The following ADAMTS9 variants were observed in gnomAD, a reference collection of about 807,000 sequenced individuals.
ADAMTS9 encodes the protein ADAM metallopeptidase with thrombospondin type 1 motif 9.
In ADAMTS9, 107 loss-of-function variants were observed where a neutral mutation model predicts 257.1. That is an observed-to-expected ratio of 0.42 (90% CI 0.36 to 0.49). The LOEUF is 0.49. ADAMTS9 is among the 20% of genes least tolerant of loss of function. ADAMTS9 has a pLI of 0.03. For synonymous variants in ADAMTS9, 982 were observed against 880.9 expected, an observed-to-expected ratio of 1.11 and a Z score of -2.03; for missense variants, 2,353 against 2,469.1, an observed-to-expected ratio of 0.95 and a Z score of 1.00.
At chr3:64,670,365 TTTTCTCTTGGC>T in intron 3 of ADAMTS9, among the ~76,000 whole-genome samples, 1 of 152,300 alleles carries the variant, frequency 6.6e-6, no homozygotes, top group Non-Finnish European at 1.5e-5. Context: ...AACAACTGCC[TTTTCTCTTGGC>T]CTAGACCATG....
At chr3:64,548,563 C>T (rs1042466572) in intron 31 of ADAMTS9, among the ~76,000 whole-genome samples, 3 of 150,328 alleles carry the variant, frequency 2.0e-5, no homozygotes, top group African/African-American at 7.3e-5. Context: ...CCCCTACAAA[C>T]CAGGAGCAAA....
intron 28 of ADAMTS9, chr3:64,587,411 G>C (rs928890616): frequency 6.6e-6 from 1 of 152,144 alleles, no homozygotes; most frequent in Non-Finnish European, 1.5e-5. Context: ...AGGTTGCCCT[G>C]TCCGATATGG....
At chr3:64,517,923 CT>C (rs1367753952) in intron 39 of ADAMTS9, among the ~76,000 whole-genome samples, 2 of 152,170 alleles carry the variant, frequency 1.3e-5, no homozygotes, top group Non-Finnish European at 2.9e-5. Flanking sequence ...CCAACTGAAG[CT>C]GTCAATCGCC....
At chr3:64,683,511 A>T (rs1701810403) in intron 2 of ADAMTS9, among the ~76,000 whole-genome samples, 1 of 152,176 alleles carries the variant, frequency 6.6e-6, no homozygotes, top group African/African-American at 2.4e-5. Flanking sequence ...CAGCTCTCAA[A>T]GTCTCAGATT....
At chr3:64,649,452 C>T (rs751538814) in intron 10 of ADAMTS9, among the ~76,000 whole-genome samples, 185 bp downstream of exon 10, 2 of 152,150 alleles carry the variant, frequency 1.3e-5, no homozygotes, top group Non-Finnish European at 2.9e-5. Flanking sequence ...AGGTAAAGCA[C>T]TATTTAACAC....
chr3:64,595,427 G>T (rs1055413384), intron 27 of ADAMTS9, among the ~76,000 whole-genome samples: 4 of 152,210 alleles, frequency 2.6e-5, no homozygotes, highest in African/African-American at 9.6e-5. Context: ...TTTCCCTGCT[G>T]TGTCAAGGCC....
intron 29 of ADAMTS9, chr3:64,565,802 A>T (rs1250378395): frequency 6.6e-6 from 1 of 152,172 alleles, no homozygotes; most frequent in East Asian, 1.9e-4. Context: ...ATGAAATGTA[A>T]TCTTTTTGGA....
chr3:64,521,860 G>T (rs955356338), intron 39 of ADAMTS9, among the ~76,000 whole-genome samples: 1 of 152,106 alleles, frequency 6.6e-6, no homozygotes, highest in African/African-American at 2.4e-5. Flanking sequence ...GGGTTCAAAC[G>T]AAGCCTACAT....
intron 30 of ADAMTS9, among the ~76,000 whole-genome samples, chr3:64,554,167 C>A (rs2083302800): frequency 6.6e-6 from 1 of 152,116 alleles, no homozygotes; most frequent in South Asian, 2.1e-4. Flanking sequence ...CAGTTCAGAG[C>A]AGAAATACAA....
intron 22 of ADAMTS9, among the ~76,000 whole-genome samples, chr3:64,607,689 T>C (rs1215115279): frequency 6.6e-6 from 1 of 152,138 alleles, no homozygotes; most frequent in African/African-American, 2.4e-5. Flanking sequence ...AATTGGTCCC[T>C]CCACTGAAGC....
intron 22 of ADAMTS9, among the ~76,000 whole-genome samples, chr3:64,608,342 T>C (rs1047301239): frequency 3.6e-5 from 5 of 139,288 alleles, no homozygotes; most frequent in Non-Finnish European, 1.6e-5. Flanking sequence ...AGAAGAATAA[T>C]AGAAAAAAAT....
At chr3:64,631,631 A>G in intron 15 of ADAMTS9, 81 bp from the exon 16 acceptor site, 1 of 1,319,194 alleles carries the variant, frequency 7.6e-7, no homozygotes, top group East Asian at 2.3e-5. Flanking sequence ...TGGACAACAA[A>G]GGAATAGAAT....
chr3:64,646,489 C>T (rs1374472484), intron 11 of ADAMTS9, among the ~76,000 whole-genome samples: 1 of 152,136 alleles, frequency 6.6e-6, no homozygotes, highest in Non-Finnish European at 1.5e-5. Context: ...AGATATATTT[C>T]CCTTTAAACC....
chr3:64,620,173 C>A (rs369540047), intron 19 of ADAMTS9, among the ~76,000 whole-genome samples: 4 of 152,202 alleles, frequency 2.6e-5, no homozygotes, highest in Admixed American at 6.5e-5. Flanking sequence ...ATATGACACT[C>A]GTACCATAAC....
intron 26 of ADAMTS9, among the ~76,000 whole-genome samples, chr3:64,600,232 T>C (rs1020052355): frequency 6.6e-6 from 1 of 152,170 alleles, no homozygotes; most frequent in African/African-American, 2.4e-5. Flanking sequence ...GAAGACCATG[T>C]ACAGTTTGTG....
intron 28 of ADAMTS9, among the ~76,000 whole-genome samples, chr3:64,593,958 ATGATGTGTGTG>A (rs138607322): frequency 0.051 from 6,391 of 125,126 alleles, 309 homozygotes; most frequent in African/African-American, 0.15. Context: ...GTGTGTGTGT[ATGATGTGTGTG>A]TGTGTGTGTG....
rs972348686 is a variant in ADAMTS9 at position 64,516,285 on chromosome 3, G to A, written c.*842C>T. 1.3e-5 allele frequency: 2 copies of A among 152,570 alleles called. No homozygotes were observed. Among genetic ancestry groups the A allele is most frequent in the African/African-American group, 4.8e-5 (2 of 41,422 alleles). The allele number at this position is 152,570 out of a possible 1,614,324, so 9.5% of individuals were successfully genotyped here. ...CCCAATATCACTCTGTAATGAAGCT[G>A]CTTGGGGGATCCTCCATTTGATTGT... On this transcript the variant is annotated 3_prime_UTR_variant, in exon 40 of 40. Coordinates refer to ENST00000498707, the MANE Select transcript of ADAMTS9 (RefSeq NM_182920.2).
Position 64,615,423 on chromosome 3 carries a change from A to G in ADAMTS9, c.3087T>C (p.Asn1029=). ...TGCATTTGCTGTCATCCAGTACATCATTTCGGGTATTGACACAAATAGCCC... is the reference window on the plus strand; with the variant it reads ...TGCATTTGCTGTCATCCAGTACATCGTTTCGGGTATTGACACAAATAGCCC... The part of the protein sequence containing the change: ...RRRAICVNTR[N]DVLDDSKCTH... Residue 1029 remains asparagine (N), a synonymous_variant, in exon 21 of 40, where the codon AAT becomes AAC. Transcript: ENST00000498707. 1 of 1,614,046 alleles carries G rather than the reference A, an allele frequency of 6.2e-7. No individual in the cohort carries two copies. Among genetic ancestry groups the G allele is most frequent in the Non-Finnish European group, 8.5e-7 (1 of 1,179,926 alleles).
intron 28 of ADAMTS9, chr3:64,582,754 T>C (rs2084038443): frequency 6.6e-6 from 1 of 152,148 alleles, no homozygotes; most frequent in African/African-American, 2.4e-5. Flanking sequence ...ATATGAATAG[T>C]GCCAAGGTTG....
Sources: gnomAD v4.1 joint callset for allele counts (sites outside exome capture counted in the v4.1 genomes callset) on GRCh38, gnomAD v4.1.1 for gene constraint, MANE v1.5 for transcripts, NCBI Gene and HGNC (gene_info 2026-07-23, HGNC 2026-07-21) for gene names.